Variants in ARHGEF12 observed in about 807,000 individuals in gnomAD.
The protein encoded by ARHGEF12 is Rho guanine nucleotide exchange factor 12.
A neutral mutation model predicts 211.2 loss-of-function variants in ARHGEF12; 66 were observed. The ratio of observed to expected loss-of-function variants is 0.31; its 90% CI spans 0.26 to 0.38. ARHGEF12 has a LOEUF of 0.38. Ranked by LOEUF, ARHGEF12 falls within the 10% of genes least tolerant of loss-of-function variation. The pLI, the probability that ARHGEF12 is intolerant of heterozygous loss-of-function variation, is 1.00. For missense variants in ARHGEF12, 1,429 were observed against 1,869.5 expected (o/e 0.76, Z 4.34); for synonymous variants, 592 against 638.4 (o/e 0.93, Z 1.09).
In ARHGEF12 at chr11:120,421,674, G is replaced by A. The variant is rs183428161; in HGVS notation, c.299-129G>A. The A allele has an allele frequency of 1.2e-3, 881 of 762,310 alleles. 2 individuals carry two copies. Among genetic ancestry groups the A allele is most frequent in the African/African-American group, 0.011 (600 of 55,750 alleles). The allele number at this position is 762,310 out of a possible 1,614,324, so 47.2% of individuals were successfully genotyped here. A position where few individuals can be genotyped will look rare whatever the true frequency, so the allele number is the denominator to read the frequency against. The stretch of plus-strand genomic sequence containing the variant: ...GATGGTCTCGATCTCTTGACCTCGT[G>A]ATCCGCCCGCCTCGGCCTCCCAAAG... On this transcript the variant is annotated intron_variant, in intron 5 of 40. Transcript: ENST00000397843.
intron 21 of ARHGEF12, 164 bp from the exon 22 acceptor site, chr11:120,451,348 T>G: frequency 3.5e-6 from 2 of 570,410 alleles, no homozygotes; most frequent in South Asian, 2.1e-5. Context: ...CCAGCTAATT[T>G]TTGTATTTTT....
At chr11:120,473,351 G>A (rs868196747) in intron 31 of ARHGEF12, among the ~76,000 whole-genome samples, 3 of 152,098 alleles carry the variant, frequency 2.0e-5, no homozygotes, top group African/African-American at 7.2e-5. Flanking sequence ...TTACATGACA[G>A]CAATTGGCAG....
chr11:120,440,700 T>A (rs12361340), intron 13 of ARHGEF12, among the ~76,000 whole-genome samples: 28,290 of 152,164 alleles, frequency 0.19, 2,989 homozygotes, highest in Non-Finnish European at 0.23. Context: ...TTCTTGTTCT[T>A]GCCTTTATTG....
At chr11:120,409,112 G>T (rs1944805650) in intron 3 of ARHGEF12, 2 of 376,658 alleles carry the variant, frequency 5.3e-6, no homozygotes, top group Admixed American at 4.1e-5. Context: ...TAGTGCTTTT[G>T]TCATCTCTAC....
intron 1 of ARHGEF12, among the ~76,000 whole-genome samples, chr11:120,388,514 TA>T (rs2135485107): frequency 6.6e-6 from 1 of 152,292 alleles, no homozygotes; most frequent in African/African-American, 2.4e-5. Context: ...ATATGGTAGG[TA>T]TATATTTTAA....
Position 120,403,232 on chromosome 11 carries a change from C to T in ARHGEF12, c.33-2886C>T, listed in dbSNP as rs144368648. ...AAATCAAAAGTAAAGGCAGGCCAGG[C>T]GCGGCGGCTCACACCTGTAATCCCA... On this transcript the variant is annotated intron_variant, in intron 1 of 40. Coordinates refer to ENST00000397843, the MANE Select transcript of ARHGEF12 (RefSeq NM_015313.3). 1.1e-3 allele frequency among the ~76,000 whole-genome samples: 168 copies of T among 152,236 alleles called. 2 individuals carry two copies. In the East Asian group the frequency reaches 0.029, roughly 26 times the overall value.
intron 7 of ARHGEF12, among the ~76,000 whole-genome samples, chr11:120,426,181 T>G (rs1190503643): frequency 6.6e-6 from 1 of 152,204 alleles, no homozygotes; most frequent in African/African-American, 2.4e-5. Context: ...TTATAAATTG[T>G]TATGTGCTGC....
At chr11:120,402,935 T>A (rs548528814) in intron 1 of ARHGEF12, among the ~76,000 whole-genome samples, 13 of 152,244 alleles carry the variant, frequency 8.5e-5, no homozygotes, top group Non-Finnish European at 1.3e-4. Context: ...TACAAAATTG[T>A]GTGTTTGTGT....
chr11:120,455,212 A>T (rs1349881691), intron 22 of ARHGEF12, among the ~76,000 whole-genome samples: 1 of 152,206 alleles, frequency 6.6e-6, no homozygotes, highest in African/African-American at 2.4e-5. Flanking sequence ...AAACAACAGG[A>T]GAAAGTTTCC....
chr11:120,395,967 G>A (rs933705524), intron 1 of ARHGEF12, among the ~76,000 whole-genome samples: 14 of 152,212 alleles, frequency 9.2e-5, no homozygotes, highest in South Asian at 4.2e-4. Flanking sequence ...AGCAGTGAGC[G>A]CACCCAGCTC....
intron 1 of ARHGEF12, among the ~76,000 whole-genome samples, chr11:120,401,474 C>A (rs1944546487): frequency 6.6e-6 from 1 of 152,162 alleles, no homozygotes; most frequent in Non-Finnish European, 1.5e-5. Context: ...AGTTTAGATT[C>A]ATATCAGTTT....
chr11:120,488,150 GTAAT>G lies in ARHGEF12; in HGVS notation c.*3076_*3079del. 1 of 216,618 alleles carries G rather than the reference GTAAT, an allele frequency of 4.6e-6. No individual in the cohort carries two copies. The highest frequency in any genetic ancestry group is 9.3e-6 in the Non-Finnish European group (1 of 107,614). 13.4% of individuals were successfully genotyped at this position (216,618 alleles called of 1,614,324 possible). A position where few individuals can be genotyped will look rare whatever the true frequency, so the allele number is the denominator to read the frequency against. ...AAATTATTTTTAGAAGCTAAAGAAA[GTAAT>G]TATGCTTCCTGTGAATTGTCTTTTA... On this transcript the variant is annotated 3_prime_UTR_variant, in exon 41 of 41. Transcript: ENST00000397843.
Position 120,429,486 on chromosome 11 carries a change from A to T in ARHGEF12, c.632A>T (p.Lys211Ile). 1 of 1,613,918 alleles carries T rather than the reference A, an allele frequency of 6.2e-7. No homozygotes were observed. The highest frequency in any genetic ancestry group is 8.5e-7 in the Non-Finnish European group (1 of 1,179,914). The change falls in exon 9 of 41, where the codon AAA becomes ATA. Residue 211 changes from lysine to isoleucine, a missense_variant. Lys to Ile is a moderately radical substitution (Grantham distance 102). Around this residue, in one of 7 missense-constraint regions of ARHGEF12, gnomAD observed 254 missense variants for 286.4 expected, o/e 0.89. Transcript: ENST00000397843. ...VHNQKVEILR[K>I]MLQKEQERLQ... ...AACCAGAAAGTAGAAATTCTGAGAAAAATGTTACAGAAAGAACAGGAACGG... is the reference window on the plus strand; with the variant it reads ...AACCAGAAAGTAGAAATTCTGAGAATAATGTTACAGAAAGAACAGGAACGG...
intron 30 of ARHGEF12, 130 bp downstream of exon 30, chr11:120,469,518 C>T (rs956277004): frequency 2.6e-6 from 2 of 769,650 alleles, no homozygotes; most frequent in African/African-American, 1.8e-5. Context: ...GTTTACTGTT[C>T]GCATAGTAGG....
chr11:120,468,805 C>A (rs546690231), intron 29 of ARHGEF12, among the ~76,000 whole-genome samples: 59 of 152,198 alleles, frequency 3.9e-4, no homozygotes, highest in Non-Finnish European at 7.4e-4. Flanking sequence ...TATTTTCTTT[C>A]TTTAAATATA....
intron 1 of ARHGEF12, among the ~76,000 whole-genome samples, chr11:120,374,811 A>T (rs1164080294): frequency 6.6e-6 from 1 of 152,164 alleles, no homozygotes; most frequent in African/African-American, 2.4e-5. Flanking sequence ...TGACTAATTC[A>T]TTACATTGAG....
intron 27 of ARHGEF12, chr11:120,464,698 G>C (rs1425523265): frequency 6.6e-6 from 1 of 152,330 alleles, no homozygotes; most frequent in Admixed American, 6.5e-5. Flanking sequence ...AATAGGTTGT[G>C]ATAGGCTACA....
In ARHGEF12 at chr11:120,347,266, C is replaced by CTCTGTGTGTG. The variant is rs1426650315; in HGVS notation, c.32+9992_32+9993insCTGTGTGTGT. Among the ~76,000 whole-genome samples the CTCTGTGTGTG allele has an allele frequency of 3.9e-4, 52 of 133,596 alleles. No individual in the cohort carries two copies. The South Asian group carries it at 5.6e-3, about 14-fold the overall frequency. 87.6% of individuals were successfully genotyped at this position (133,596 alleles called of 152,430 possible). ...TCTGTTTCTCTCTCTCTCTCTCTCT[C>CTCTGTGTGTG]TGTCTGTGTGTGTGTGTGTGTGTGT... is the stretch of plus-strand genomic sequence containing the variant. On this transcript the variant is annotated intron_variant, in intron 1 of 40. Coordinates refer to ENST00000397843, the MANE Select transcript of ARHGEF12 (RefSeq NM_015313.3).
chr11:120,475,473 G>T lies in ARHGEF12; in HGVS notation c.3243G>T (p.Lys1081Asn), dbSNP rs780078413. 1 of 1,614,176 alleles carries T rather than the reference G, an allele frequency of 6.2e-7. No individual in the cohort carries two copies. Among genetic ancestry groups the T allele is most frequent in the South Asian group, 1.1e-5 (1 of 91,076 alleles). Residue 1081 changes from lysine to asparagine, a missense_variant, in exon 33 of 41, where the codon AAG becomes AAT. Lys to Asn is a moderately conservative substitution (Grantham distance 94, BLOSUM62 0). Coordinates refer to ENST00000397843, the MANE Select transcript of ARHGEF12 (RefSeq NM_015313.3). ...DSKHTFSPVIKLSTVLVRQVA... is the reference protein window; with the variant it reads ...DSKHTFSPVINLSTVLVRQVA... ...AACACACGTTTAGCCCTGTCATTAA[G>T]TTGAGTACAGTGTTGGTTCGACAAG...
Sources: gnomAD v4.1 joint callset for allele counts (sites outside exome capture counted in the v4.1 genomes callset) on GRCh38, gnomAD v4.1.1 for gene constraint, gnomAD v4.1.1 regional missense constraint, MANE v1.5 for transcripts, NCBI Gene and HGNC (gene_info 2026-07-23, HGNC 2026-07-21) for gene names.